The following SLC7A11 variants were observed in gnomAD, a reference collection of about 807,000 sequenced individuals.
The protein encoded by SLC7A11 is cystine/glutamate transporter.
In SLC7A11, 35 loss-of-function variants were observed where a neutral mutation model predicts 54.5. The ratio of observed to expected loss-of-function variants is 0.64; its 90% confidence interval spans 0.49 to 0.85. The LOEUF is 0.85. Among genes scored for constraint, SLC7A11 ranks in the 40% least tolerant of loss-of-function variants. SLC7A11 has a pLI of 0.00. For missense variants in SLC7A11, 583 were observed against 618.1 expected, an observed-to-expected ratio of 0.94 and a Z score of 0.60; for synonymous variants, 230 against 225.2, an observed-to-expected ratio of 1.02 and a Z score of -0.19.
At chr4:138,175,276 G>T (rs1326463945) in intron 11 of SLC7A11, among the ~76,000 whole-genome samples, 1 of 152,120 alleles carries the variant, frequency 6.6e-6, no homozygotes, top group African/African-American at 2.4e-5. Flanking sequence ...TCATTCTGCT[G>T]GTGTTTCCCA....
intron 6 of SLC7A11, among the ~76,000 whole-genome samples, chr4:138,198,555 A>G (rs1377665265): frequency 6.6e-6 from 1 of 152,164 alleles, no homozygotes; most frequent in African/African-American, 2.4e-5. Context: ...ATGACACCCA[A>G]CACTATAAGT....
At chr4:138,215,379 C>T (rs943758222) in intron 5 of SLC7A11, among the ~76,000 whole-genome samples, 2 of 152,006 alleles carry the variant, frequency 1.3e-5, no homozygotes, top group Non-Finnish European at 2.9e-5. Flanking sequence ...AATATAAGTC[C>T]ATCAGCTCTT....
At chr4:138,202,831 G>A (rs996622834) in intron 6 of SLC7A11, among the ~76,000 whole-genome samples, 1 of 152,090 alleles carries the variant, frequency 6.6e-6, no homozygotes, top group African/African-American at 2.4e-5. Flanking sequence ...GACTCCAAGT[G>A]CAGAGCTACC....
intron 11 of SLC7A11, among the ~76,000 whole-genome samples, chr4:138,172,588 CTTT>C (rs1383984026): frequency 6.6e-6 from 1 of 152,142 alleles, no homozygotes; most frequent in Non-Finnish European, 1.5e-5. Flanking sequence ...AGAAATGCAT[CTTT>C]TCAAGCTCGA....
intron 6 of SLC7A11, among the ~76,000 whole-genome samples, chr4:138,196,494 G>A (rs1157216642): frequency 6.6e-6 from 1 of 152,082 alleles, no homozygotes; most frequent in South Asian, 2.1e-4. Flanking sequence ...AGCTCCCTCC[G>A]TGACGACTGA....
intron 6 of SLC7A11, among the ~76,000 whole-genome samples, chr4:138,201,051 T>C (rs1737270342): frequency 6.6e-6 from 1 of 152,082 alleles, no homozygotes; most frequent in African/African-American, 2.4e-5. Flanking sequence ...GGACTTGGGA[T>C]ACCAAGAAAA....
intron 3 of SLC7A11, among the ~76,000 whole-genome samples, chr4:138,226,225 T>A (rs934034280): frequency 6.6e-5 from 10 of 152,114 alleles, no homozygotes; most frequent in Non-Finnish European, 1.0e-4. Flanking sequence ...ATAGCCACTA[T>A]AGAAAACAGT....
At chr4:138,194,988 T>C (rs1737097576) in intron 6 of SLC7A11, among the ~76,000 whole-genome samples, 1 of 152,184 alleles carries the variant, frequency 6.6e-6, no homozygotes, top group Non-Finnish European at 1.5e-5. Context: ...TGCTCTGTCA[T>C]TCACAGGAGA....
chr4:138,164,752 T>C lies in SLC7A11; in HGVS notation c.*7204A>G, dbSNP rs1736212819. On this transcript the variant is annotated 3_prime_UTR_variant, in exon 12 of 12. Transcript: ENST00000280612. ...AGTTGAGGACCAGTTAGTTAGGATA[T>C]TGAGGATCACTCTTTTTCAGCTGGA... The C allele has an allele frequency of 6.6e-6, 1 of 152,260 alleles. No homozygotes were observed. 9.4% of individuals were successfully genotyped at this position (152,260 alleles called of 1,614,324 possible). A position where few individuals can be genotyped will look rare whatever the true frequency, so the allele number is the denominator to read the frequency against.
chr4:138,183,250 G>A lies in SLC7A11; in HGVS notation c.971C>T (p.Ala324Val). The A allele has an allele frequency of 6.2e-7, 1 of 1,612,106 alleles. No individual in the cohort carries two copies. The highest frequency in any genetic ancestry group is 1.3e-5 in the African/African-American group (1 of 74,828). ...NFSLAVPIFVALSCFGSMNGG... is the reference protein window; with the variant it reads ...NFSLAVPIFVVLSCFGSMNGG... ...GTTCATGGAGCCAAAGCAGGAGAGG[G>A]CAACAAAGATCGGAACTGCTAATGA... is the stretch of plus-strand genomic sequence containing the variant. The change falls in exon 8 of 12, where the codon GCC becomes GTC. Residue 324 changes from alanine (A) to valine (V), a missense_variant. By Grantham distance (64) the Ala-to-Val change is moderately conservative (BLOSUM62 0). Transcript: ENST00000280612.
intron 6 of SLC7A11, among the ~76,000 whole-genome samples, chr4:138,200,410 C>T (rs1316555821): frequency 6.6e-6 from 1 of 152,142 alleles, no homozygotes; most frequent in Non-Finnish European, 1.5e-5. Context: ...CTTTCATTAT[C>T]TATTTGACTA....
rs1736432604 is a variant in SLC7A11 at position 138,171,838 on chromosome 4, A to T, written c.*118T>A. On this transcript the variant is annotated 3_prime_UTR_variant, in exon 12 of 12. Transcript: ENST00000280612. ...ATGCTAAAATATATGAATAAAAATAACTGACTCCTTTTGTTTATCACCAAA... is the reference window on the plus strand; with the variant it reads ...ATGCTAAAATATATGAATAAAAATATCTGACTCCTTTTGTTTATCACCAAA... 2 of 1,273,484 alleles carry T rather than the reference A, an allele frequency of 1.6e-6. No homozygotes were observed. The highest frequency in any genetic ancestry group is 3.3e-5 in the Admixed American group (1 of 30,692). 78.9% of individuals were successfully genotyped at this position (1,273,484 alleles called of 1,614,324 possible). A position where few individuals can be genotyped will look rare whatever the true frequency, so the allele number is the denominator to read the frequency against.
chr4:138,223,283 C>T lies in SLC7A11; in HGVS notation c.562G>A (p.Ala188Thr), dbSNP rs762689107. Residue 188 changes from alanine (A) to threonine (T), a missense_variant, in exon 4 of 12, where the codon GCC becomes ACC. Transcript: ENST00000280612. ...VLNSMSVSWS[A>T]RIQIFLTFCK... ...AAGGTTAAGAAAATCTGGATCCGGG[C>T]GCTCCAGCTGACACTCATGCTATTT... 57 of 1,613,260 alleles carry T rather than the reference C, an allele frequency of 3.5e-5. No homozygotes were observed. Among genetic ancestry groups the T allele is most frequent in the African/African-American group, 9.3e-5 (7 of 74,902 alleles).
At chr4:138,180,228 G>A (rs1357084557) in intron 10 of SLC7A11, among the ~76,000 whole-genome samples, 1 of 152,040 alleles carries the variant, frequency 6.6e-6, no homozygotes, top group Non-Finnish European at 1.5e-5. Flanking sequence ...TGCCTATTTT[G>A]TAAAGGCAAA....
chr4:138,211,407 C>G (rs1737545425), intron 6 of SLC7A11, among the ~76,000 whole-genome samples: 1 of 151,676 alleles, frequency 6.6e-6, no homozygotes, highest in South Asian at 2.1e-4. Flanking sequence ...CACACATGTA[C>G]CCCCTGAATC....
chr4:138,181,439 T>C (rs1441480475), intron 9 of SLC7A11, among the ~76,000 whole-genome samples: 1 of 152,096 alleles, frequency 6.6e-6, no homozygotes, highest in African/African-American at 2.4e-5. Flanking sequence ...GCATGACTGA[T>C]AGCAGAGGCT....
chr4:138,200,011 C>T (rs1264505159), intron 6 of SLC7A11, among the ~76,000 whole-genome samples: 1 of 152,056 alleles, frequency 6.6e-6, no homozygotes, highest in Non-Finnish European at 1.5e-5. Flanking sequence ...GAGCAGCTAG[C>T]GAATAGTACC....
chr4:138,181,417 A>C (rs1405483814), intron 9 of SLC7A11, among the ~76,000 whole-genome samples: 1 of 152,134 alleles, frequency 6.6e-6, no homozygotes, highest in Non-Finnish European at 1.5e-5. Context: ...GCAGCTGCAC[A>C]TGCCAAGGAC....
chr4:138,211,068 A>T (rs1275206425), intron 6 of SLC7A11, among the ~76,000 whole-genome samples: 1 of 152,104 alleles, frequency 6.6e-6, no homozygotes, highest in Non-Finnish European at 1.5e-5. Flanking sequence ...CATAAAAAAG[A>T]ATGATATCAT....
Sources: allele counts gnomAD v4.1 joint callset (sites outside exome capture counted in the v4.1 genomes callset), GRCh38; gene constraint gnomAD v4.1.1; transcripts MANE v1.5; gene names NCBI Gene and HGNC (gene_info 2026-07-23, HGNC 2026-07-21).